Variants in PHF20 observed in about 807,000 individuals in gnomAD.
The protein encoded by PHF20 is PHD finger protein 20.
A neutral mutation model predicts 113.5 loss-of-function variants in PHF20; 23 were observed. That is an observed-to-expected ratio of 0.20 (90% CI 0.15 to 0.29). The LOEUF is 0.29. PHF20 is among the 10% of genes least tolerant of loss of function. The probability of loss-of-function intolerance (pLI) is 1.00; values close to 1 mark genes in which losing one functional copy is unlikely to be tolerated. For synonymous variants in PHF20, 434 were observed against 457.3 expected, an observed-to-expected ratio of 0.95 and a Z score of 0.65; for missense variants, 943 against 1,219.6, an observed-to-expected ratio of 0.77 and a Z score of 3.38.
At chr20:35,773,521 C>A (rs148150349) in intron 1 of PHF20, among the ~76,000 whole-genome samples, 1 of 152,296 alleles carries the variant, frequency 6.6e-6, no homozygotes, top group East Asian at 1.9e-4. Context: ...TTCTCCTCTC[C>A]TCCCAGGGAA....
chr20:35,890,161 G>A (rs143364208), intron 9 of PHF20, among the ~76,000 whole-genome samples: 2 of 152,076 alleles, frequency 1.3e-5, no homozygotes, highest in Non-Finnish European at 2.9e-5. Flanking sequence ...CTGAGTAGCC[G>A]AGACTATGGG....
chr20:35,850,483 A>G (rs2042705605), intron 4 of PHF20, among the ~76,000 whole-genome samples: 1 of 146,222 alleles, frequency 6.8e-6, no homozygotes, highest in Non-Finnish European at 1.5e-5. Context: ...GCTAATTTAT[A>G]TATATATATA....
At chr20:35,813,359 G>A (rs1350623760) in intron 2 of PHF20, among the ~76,000 whole-genome samples, 1 of 152,150 alleles carries the variant, frequency 6.6e-6, no homozygotes. Context: ...TTAATTTTGT[G>A]CTAAAATTAT....
intron 6 of PHF20, among the ~76,000 whole-genome samples, chr20:35,865,249 C>T (rs951838111): frequency 1.3e-5 from 2 of 151,758 alleles, no homozygotes; most frequent in African/African-American, 4.8e-5. Context: ...TGTAATCATG[C>T]CAGCACTTTG....
intron 2 of PHF20, chr20:35,801,883 A>G: frequency 3.8e-6 from 1 of 265,074 alleles, no homozygotes; most frequent in Admixed American, 5.0e-5. Context: ...GGGAAGAGTT[A>G]ATAGTGGCAG....
chr20:35,839,846 G>A (rs1190928301), intron 2 of PHF20, among the ~76,000 whole-genome samples: 2 of 152,200 alleles, frequency 1.3e-5, no homozygotes, highest in Non-Finnish European at 2.9e-5. Flanking sequence ...ATTGGAATAG[G>A]TTGCTGGAGT....
chr20:35,782,262 G>GTTTTTTTTTTTTTTTTTTTTTTT (rs11480471), intron 1 of PHF20: 2 of 143,480 alleles, frequency 1.4e-5, no homozygotes, highest in Admixed American at 7.1e-5. Context: ...TTCTTGTTTT[G>GTTTTTTTTTTTTTTTTTTTTTTT]TTTTTTTTTT....
rs142988422 is a variant in PHF20 at position 35,830,730 on chromosome 20, C to T, written c.84-11843C>T. On this transcript the variant is annotated intron_variant, in intron 2 of 17. Transcript: ENST00000374012. ...CAGAAGTTTGCTTTTTTTTTCCCTT[C>T]AACTTTTTTTTTTTAAGTTCTGGGG... Among the ~76,000 whole-genome samples, 518 of 150,654 alleles carry T rather than the reference C, an allele frequency of 3.4e-3. 3 individuals carry two copies. Among genetic ancestry groups the T allele is most frequent in the African/African-American group, 0.012 (499 of 41,014 alleles).
rs191381144 is a variant in PHF20 at position 35,799,908 on chromosome 20, G to A, written c.-32-1583G>A. Among the ~76,000 whole-genome samples, 282 of 152,176 alleles carry A rather than the reference G, an allele frequency of 1.9e-3. 1 individual carries two copies. The highest frequency in any genetic ancestry group is 6.5e-3 in the African/African-American group (268 of 41,548). On this transcript the variant is annotated intron_variant, in intron 1 of 17. Coordinates refer to ENST00000374012, the MANE Select transcript of PHF20 (RefSeq NM_016436.5). Reference sequence around the variant, plus strand: ...TCTCAAACTCCTGACCTTGTGATCCGCCTGCCTCGGCTTCCCAAAGTGTTG... The same window carrying A: ...TCTCAAACTCCTGACCTTGTGATCCACCTGCCTCGGCTTCCCAAAGTGTTG...
chr20:35,787,258 C>T (rs1276991127), intron 1 of PHF20, among the ~76,000 whole-genome samples: 1 of 152,000 alleles, frequency 6.6e-6, no homozygotes, highest in Non-Finnish European at 1.5e-5. Flanking sequence ...CGGCTCACTG[C>T]AACCTCTGCC....
intron 1 of PHF20, among the ~76,000 whole-genome samples, chr20:35,781,128 G>C (rs1366364558): frequency 2.0e-5 from 3 of 151,640 alleles, no homozygotes; most frequent in Non-Finnish European, 4.4e-5. Flanking sequence ...GGGATTACAG[G>C]CGTGAGCAAG....
chr20:35,867,536 C>T (rs181648541), intron 6 of PHF20, among the ~76,000 whole-genome samples: 3 of 152,208 alleles, frequency 2.0e-5, no homozygotes, highest in Non-Finnish European at 4.4e-5. Context: ...GCTGGGATTA[C>T]AGGCGTGAGC....
At chr20:35,817,622 A>G (rs1455492167) in intron 2 of PHF20, among the ~76,000 whole-genome samples, 1 of 151,684 alleles carries the variant, frequency 6.6e-6, no homozygotes, top group African/African-American at 2.4e-5. Context: ...CATGGCAAAA[A>G]CCTGTTTCTA....
chr20:35,860,325 C>A (rs1421832223), intron 5 of PHF20, among the ~76,000 whole-genome samples: 1 of 150,804 alleles, frequency 6.6e-6, no homozygotes, highest in Non-Finnish European at 1.5e-5. Flanking sequence ...ACTGTAAACT[C>A]CACCTCCCGG....
At chr20:35,895,585 T>C (rs958345204) in intron 9 of PHF20, among the ~76,000 whole-genome samples, 1 of 152,170 alleles carries the variant, frequency 6.6e-6, no homozygotes, top group African/African-American at 2.4e-5. Context: ...TATTAAAGTT[T>C]TGTGTTTTGA....
In PHF20 at chr20:35,839,858, T is replaced by G. The variant is rs568918349; in HGVS notation, c.84-2715T>G. 2.0e-5 allele frequency among the ~76,000 whole-genome samples: 3 copies of G among 152,306 alleles called. No homozygotes were observed. The South Asian group carries it at 6.2e-4, about 32-fold the overall frequency. ...GAAATTGGAATAGGTTGCTGGAGTC[T>G]GAGAATGTTGGAATTTAAAAACTGA... On this transcript the variant is annotated intron_variant, in intron 2 of 17. Transcript: ENST00000374012.
chr20:35,855,033 C>T (rs1276675180), intron 4 of PHF20, among the ~76,000 whole-genome samples: 5 of 152,102 alleles, frequency 3.3e-5, no homozygotes, highest in African/African-American at 1.2e-4. Flanking sequence ...GTAACTGATC[C>T]TGAACTAACT....
At chr20:35,775,307 A>C (rs1437229447) in intron 1 of PHF20, among the ~76,000 whole-genome samples, 1 of 152,192 alleles carries the variant, frequency 6.6e-6, no homozygotes, top group Admixed American at 6.6e-5. Context: ...ACACGAAGAC[A>C]AAGTTTCTCT....
Position 35,858,404 on chromosome 20 carries a change from T to A in PHF20, c.420+23T>A, listed in dbSNP as rs769788642. On this transcript the variant is annotated intron_variant, in intron 5 of 17. Transcript: ENST00000374012. ...CAGGTGAGAAATGTGGTTTTGTGCT[T>A]TGTGTTATGAATAATGCTAACATTG... The A allele has an allele frequency of 7.1e-5, 94 of 1,329,496 alleles. No homozygotes were observed. The South Asian group carries it at 1.0e-3, about 14-fold the overall frequency. 82.4% of individuals were successfully genotyped at this position (1,329,496 alleles called of 1,614,324 possible). A position where few individuals can be genotyped will look rare whatever the true frequency, so the allele number is the denominator to read the frequency against.
Sources: allele counts gnomAD v4.1 joint callset (sites outside exome capture counted in the v4.1 genomes callset), GRCh38; gene constraint gnomAD v4.1.1; transcripts MANE v1.5; gene names NCBI Gene and HGNC (gene_info 2026-07-23, HGNC 2026-07-21).